KSR2: variants seen among roughly 807,000 people sequenced by gnomAD.
KSR2 encodes the protein kinase suppressor of ras 2.
KSR2 carries 25 observed loss-of-function variants against 107.8 expected under a neutral mutation model. That is an observed-to-expected ratio of 0.23 (90% CI 0.17 to 0.32). The LOEUF (loss-of-function observed/expected upper bound fraction) is 0.32, where lower values mean the gene tolerates loss of function less well. Among genes scored for constraint, KSR2 ranks in the 10% least tolerant of loss-of-function variants. The pLI, the probability that KSR2 is intolerant of heterozygous loss-of-function variation, is 1.00. For synonymous variants in KSR2, 480 were observed against 507.0 expected, an observed-to-expected ratio of 0.95 and a Z score of 0.71; for missense variants, 887 against 1,268.9, an observed-to-expected ratio of 0.70 and a Z score of 4.57.
In KSR2 at chr12:117,845,749, C is replaced by T. The variant is rs78479440; in HGVS notation, c.472+9679G>A. Among the ~76,000 whole-genome samples the T allele has an allele frequency of 4.6e-5, 7 of 151,700 alleles. No individual in the cohort carries two copies. In the East Asian group the frequency reaches 7.8e-4, roughly 17 times the overall value. On this transcript the variant is annotated intron_variant, in intron 3 of 19. Transcript: ENST00000339824. ...AGGCCAAAGTCCAGCAGTGCAATCT[C>T]GGCTCACTACAGCCTTGACCTCCCA... is the stretch of plus-strand genomic sequence containing the variant.
At chr12:117,751,945 G>T (rs1418978360) in intron 4 of KSR2, among the ~76,000 whole-genome samples, 2 of 152,104 alleles carry the variant, frequency 1.3e-5, no homozygotes, top group East Asian at 3.9e-4. Context: ...TTCCTCTCTT[G>T]CCCTTATAAA....
At chr12:117,668,437 A>G (rs373985572) in intron 4 of KSR2, among the ~76,000 whole-genome samples, 8 of 152,316 alleles carry the variant, frequency 5.3e-5, no homozygotes, top group East Asian at 1.9e-4. Context: ...ACAGCCTCAC[A>G]GGCAGCTGCC....
At chr12:117,597,458 A>T (rs2136283374) in intron 5 of KSR2, among the ~76,000 whole-genome samples, 1 of 152,332 alleles carries the variant, frequency 6.6e-6, no homozygotes, top group South Asian at 2.1e-4. Flanking sequence ...CTTATGAAAG[A>T]GAGGCAAGAG....
chr12:117,875,049 A>G (rs937137311), intron 1 of KSR2, among the ~76,000 whole-genome samples: 6 of 152,190 alleles, frequency 3.9e-5, no homozygotes, highest in African/African-American at 1.2e-4. Context: ...CTTCCACGAC[A>G]GATGGAAAAT....
intron 5 of KSR2, among the ~76,000 whole-genome samples, chr12:117,611,411 G>A (rs1396068635): frequency 1.3e-5 from 1 of 74,578 alleles, no homozygotes; most frequent in Non-Finnish European, 3.2e-5. Context: ...TTCATGAAAT[G>A]TTGTCAATAC....
intron 3 of KSR2, among the ~76,000 whole-genome samples, chr12:117,847,129 C>T (rs1250476783): frequency 6.6e-6 from 1 of 152,232 alleles, no homozygotes; most frequent in Admixed American, 6.5e-5. Flanking sequence ...AGTGTCAACA[C>T]CAGAACATAC....
rs143871123 is a variant in KSR2 at position 117,668,766 on chromosome 12, G to T, written c.987-1108C>A. 1.2e-3 allele frequency among the ~76,000 whole-genome samples: 178 copies of T among 152,250 alleles called. 2 individuals are homozygous for T. The highest frequency in any genetic ancestry group is 4.0e-3 in the African/African-American group (165 of 41,526). On this transcript the variant is annotated intron_variant, in intron 4 of 19. Coordinates refer to ENST00000339824, the MANE Select transcript of KSR2 (RefSeq NM_173598.6). Reference sequence around the variant, plus strand: ...TTATATTATGGATATCTGTCTGATAGTTCCTTCAGAAGAAAGAATCTGCAG... The same window carrying T: ...TTATATTATGGATATCTGTCTGATATTTCCTTCAGAAGAAAGAATCTGCAG...
rs35370019 is a variant in KSR2, at chr12:117,968,307, A to AGGG, written c.-55_-53dup. 4 of 1,325,486 alleles carry AGGG rather than the reference A, an allele frequency of 3.0e-6. No individual in the cohort carries two copies. The highest frequency in any genetic ancestry group is 3.2e-5 in the Admixed American group (1 of 31,008). 82.1% of individuals were successfully genotyped at this position (1,325,486 alleles called of 1,614,324 possible). A position where few individuals can be genotyped will look rare whatever the true frequency, so the allele number is the denominator to read the frequency against. The stretch of plus-strand genomic sequence containing the variant: ...CCTCCTCCTCCCAGAGAGAAAAAAG[A>AGGG]GGGGGGGGAGTAGAGGTAGTCTACC... On this transcript the variant is annotated 5_prime_UTR_variant, in exon 1 of 20. Transcript: ENST00000339824.
intron 15 of KSR2, 93 bp from the exon 16 acceptor site, chr12:117,484,642 T>C: frequency 7.5e-7 from 1 of 1,338,440 alleles, no homozygotes; most frequent in Non-Finnish European, 1.0e-6. Flanking sequence ...CCTGAAGACT[T>C]GGCTCCCTAA....
At chr12:117,955,037 G>A (rs1896471869) in intron 1 of KSR2, among the ~76,000 whole-genome samples, 2 of 150,262 alleles carry the variant, frequency 1.3e-5, no homozygotes, top group South Asian at 4.2e-4. Flanking sequence ...AAAAAAATTT[G>A]CCATGTAACA....
At chr12:117,626,676 A>G (rs1882536247) in intron 5 of KSR2, among the ~76,000 whole-genome samples, 1 of 152,094 alleles carries the variant, frequency 6.6e-6, no homozygotes, top group Admixed American at 6.6e-5. Flanking sequence ...AAGAATGTAT[A>G]CTCTGTTGAT....
chr12:117,682,865 A>T (rs1171077759), intron 4 of KSR2, among the ~76,000 whole-genome samples: 1 of 152,086 alleles, frequency 6.6e-6, no homozygotes, highest in Non-Finnish European at 1.5e-5. Flanking sequence ...GCAAGAGAGG[A>T]TGGAGGATTG....
At chr12:117,624,004 G>A (rs907084049) in intron 5 of KSR2, among the ~76,000 whole-genome samples, 8 of 152,176 alleles carry the variant, frequency 5.3e-5, no homozygotes, top group Non-Finnish European at 5.9e-5. Flanking sequence ...TTTTTCATGT[G>A]TCTGTTGGTT....
At chr12:117,940,911 T>C (rs191430846) in intron 1 of KSR2, among the ~76,000 whole-genome samples, 1 of 151,728 alleles carries the variant, frequency 6.6e-6, no homozygotes, top group East Asian at 2.0e-4. Flanking sequence ...CATGGCAAAA[T>C]CCCATCTCTA....
chr12:117,564,319 C>G (rs1266078169), intron 7 of KSR2, among the ~76,000 whole-genome samples: 1 of 152,196 alleles, frequency 6.6e-6, no homozygotes, highest in African/African-American at 2.4e-5. Context: ...TGCAATCAAG[C>G]CGACCTGAGC....
chr12:117,955,964 A>C (rs1206117640), intron 1 of KSR2, among the ~76,000 whole-genome samples: 1 of 152,048 alleles, frequency 6.6e-6, no homozygotes, highest in Non-Finnish European at 1.5e-5. Flanking sequence ...AAAATTATCA[A>C]GGCCAGCCAG....
intron 4 of KSR2, among the ~76,000 whole-genome samples, chr12:117,701,359 C>G (rs139155658): frequency 1.4e-4 from 21 of 152,096 alleles, no homozygotes; most frequent in African/African-American, 5.1e-4. Flanking sequence ...TCGCAAAGTG[C>G]GGGGATTACA....
rs1194962420 is a variant in KSR2, at chr12:117,463,771, G to A, written c.*3428C>T. ...GTGTACCTTTGATGATCAGCTGTAG[G>A]TGGGGATGGGAATGGTGGAAGGTGA... On this transcript the variant is annotated 3_prime_UTR_variant, in exon 20 of 20. Transcript: ENST00000339824. 1 of 152,410 alleles carries A rather than the reference G, an allele frequency of 6.6e-6. No individual in the cohort carries two copies. Among genetic ancestry groups the A allele is most frequent in the Non-Finnish European group, 1.5e-5 (1 of 68,072 alleles). 9.4% of individuals were successfully genotyped at this position (152,410 alleles called of 1,614,324 possible). A position where few individuals can be genotyped will look rare whatever the true frequency, so the allele number is the denominator to read the frequency against.
intron 1 of KSR2, among the ~76,000 whole-genome samples, chr12:117,952,491 C>T (rs959535490): frequency 6.6e-6 from 1 of 150,518 alleles, no homozygotes; most frequent in Non-Finnish European, 1.5e-5. Flanking sequence ...TCTACAAATA[C>T]AAAATATTTG....
Sources: allele counts gnomAD v4.1 joint callset (sites outside exome capture counted in the v4.1 genomes callset), GRCh38; gene constraint gnomAD v4.1.1; transcripts MANE v1.5; gene names NCBI Gene and HGNC (gene_info 2026-07-23, HGNC 2026-07-21).